WNT7B: variants seen among roughly 807,000 people sequenced by gnomAD.
The protein encoded by WNT7B is protein Wnt-7b.
Under a neutral mutation model 38.2 loss-of-function variants are expected in WNT7B, and 19 were observed. That is an observed-to-expected ratio of 0.50 (90% CI 0.35 to 0.73). The LOEUF is 0.73. Among genes scored for constraint, WNT7B ranks in the 30% least tolerant of loss-of-function variants. The pLI is 0.01. For missense variants in WNT7B, 423 were observed against 507.9 expected (o/e 0.83, Z 1.61); for synonymous variants, 243 against 209.3 (o/e 1.16, Z -1.39).
intron 2 of WNT7B, among the ~76,000 whole-genome samples, chr22:45,936,802 G>A (rs1931524780): frequency 6.6e-6 from 1 of 152,240 alleles, no homozygotes; most frequent in Non-Finnish European, 1.5e-5. Flanking sequence ...ATCTTTGTGA[G>A]CAGCTTCTAG....
chr22:45,950,241 G>A (rs10448592), intron 1 of WNT7B, 95 bp from the exon 2 acceptor site: 309,484 of 1,085,550 alleles, frequency 0.29, 47,276 homozygotes, highest in South Asian at 0.47. Context: ...CTCAGTCACA[G>A]GCCCTGCACT....
At chr22:45,972,116 G>GGGGGGCCCCC in intron 1 of WNT7B, 4 of 530,734 alleles carry the variant, frequency 7.5e-6, no homozygotes, top group Admixed American at 4.1e-5. Context: ...CCCGGGGGGA[G>GGGGGGCCCCC]CCCACCCGCC....
intron 2 of WNT7B, among the ~76,000 whole-genome samples, chr22:45,934,425 T>A (rs560276438): frequency 4.4e-4 from 67 of 152,250 alleles, no homozygotes; most frequent in Non-Finnish European, 8.2e-4. Flanking sequence ...GAGCTGGCTC[T>A]GGAGTGGGCA....
Position 45,966,881 on chromosome 22 carries a change from C to T in WNT7B, c.71+9803G>A, listed in dbSNP as rs1365997396. Reference sequence around the variant, plus strand: ...CAGAGAACCTGTGAGCGCTGCTTCTCTGCCCAGGCAGGGACCCTCCCCAGC... The same window carrying T: ...CAGAGAACCTGTGAGCGCTGCTTCTTTGCCCAGGCAGGGACCCTCCCCAGC... On this transcript the variant is annotated intron_variant, in intron 1 of 3. Transcript: ENST00000339464. This position sits in a 1 kb window ranked among gnomAD's most constrained non-coding sequence, Gnocchi z 4.2. Among the ~76,000 whole-genome samples the T allele has an allele frequency of 6.6e-6, 1 of 152,260 alleles. No homozygotes were observed. The highest frequency in any genetic ancestry group is 6.5e-5 in the Admixed American group (1 of 15,292).
At chr22:45,944,090 C>A (rs1931737257) in intron 2 of WNT7B, among the ~76,000 whole-genome samples, 1 of 152,186 alleles carries the variant, frequency 6.6e-6, no homozygotes, top group Non-Finnish European at 1.5e-5. Flanking sequence ...CCCCAGGGCA[C>A]CAGGCTGCAC....
At chr22:45,953,293 TCA>T (rs1203792432) in intron 1 of WNT7B, among the ~76,000 whole-genome samples, 5 of 148,950 alleles carry the variant, frequency 3.4e-5, no homozygotes, top group Admixed American at 3.3e-4. Context: ...CGGCTTCCTC[TCA>T]CAGTCACCAC....
intron 2 of WNT7B, among the ~76,000 whole-genome samples, chr22:45,932,623 G>T (rs1931403258): frequency 6.6e-6 from 1 of 152,162 alleles, no homozygotes; most frequent in Non-Finnish European, 1.5e-5. Flanking sequence ...CCTGGCTCTG[G>T]ACTCTTGGGT....
Position 45,976,952 on chromosome 22 carries a change from C to G in WNT7B, c.-198G>C. ...CGGGATGCCGCCGCCGCCACCGCCG[C>G]GTGAGCCCGGGGAATTGACCCAGGC... On this transcript the variant is annotated 5_prime_UTR_variant, in exon 1 of 4. Transcript: ENST00000339464. The surrounding 1 kb of genome is among the most constrained non-coding windows in gnomAD (Gnocchi z 8.5). 1.0e-6 allele frequency: 1 copy of G among 988,314 alleles called. No individual in the cohort carries two copies. The highest frequency in any genetic ancestry group is 1.2e-6 in the Non-Finnish European group (1 of 832,410). 61.2% of individuals were successfully genotyped at this position (988,314 alleles called of 1,614,324 possible). A position where few individuals can be genotyped will look rare whatever the true frequency, so the allele number is the denominator to read the frequency against.
chr22:45,972,459 G>A (rs890557607), intron 1 of WNT7B: 21 of 211,608 alleles, frequency 9.9e-5, no homozygotes, highest in African/African-American at 4.7e-4. Flanking sequence ...GCTGGAGTGC[G>A]GGGCGGGGAC....
chr22:45,967,505 T>G (rs796072450), intron 1 of WNT7B, among the ~76,000 whole-genome samples: 2 of 28,370 alleles, frequency 7.0e-5, no homozygotes, highest in African/African-American at 3.1e-4. Flanking sequence ...CAGAATGCAC[T>G]GGCTCCGCAC....
intron 1 of WNT7B, among the ~76,000 whole-genome samples, chr22:45,973,704 C>T (rs1932498665): frequency 1.3e-5 from 2 of 152,330 alleles, no homozygotes; most frequent in South Asian, 2.1e-4. Flanking sequence ...AAACTGACTC[C>T]CTGAAGCCAT....
At chr22:45,947,874 G>T (rs1271119766) in intron 2 of WNT7B, among the ~76,000 whole-genome samples, 2 of 152,138 alleles carry the variant, frequency 1.3e-5, no homozygotes, top group South Asian at 4.1e-4. Flanking sequence ...GGGATGCAGC[G>T]CTCCCAGGAT....
At chr22:45,938,489 T>C (rs1466126148) in intron 2 of WNT7B, among the ~76,000 whole-genome samples, 1 of 151,960 alleles carries the variant, frequency 6.6e-6, no homozygotes, top group Non-Finnish European at 1.5e-5. Context: ...ATACAAAAAT[T>C]AGCCAGGCGT....
intron 1 of WNT7B, among the ~76,000 whole-genome samples, chr22:45,963,680 C>T (rs963601362): frequency 5.3e-5 from 8 of 152,280 alleles, no homozygotes; most frequent in South Asian, 2.1e-4. Context: ...CCCACCCTCC[C>T]GTCTTCCCTG....
At chr22:45,931,715 C>G (rs1389511155) in intron 2 of WNT7B, among the ~76,000 whole-genome samples, 1 of 152,176 alleles carries the variant, frequency 6.6e-6, no homozygotes, top group Non-Finnish European at 1.5e-5. Context: ...CCCAGTTTCT[C>G]CAGCCCTGAG....
rs116800358 is a variant in WNT7B, at chr22:45,936,091, G to T, written c.299-4722C>A. On this transcript the variant is annotated intron_variant, in intron 2 of 3. Coordinates refer to ENST00000339464, the MANE Select transcript of WNT7B (RefSeq NM_058238.3). ...TATTCTGGCCACCCCTCACCCCACA[G>T]CCCTCAAGAGCACTGGGTGGGTTTC... The T allele has an allele frequency of 1.7e-3, 1,682 of 985,388 alleles. 19 individuals carry two copies. The African/African-American group carries it at 0.028, about 16-fold the overall frequency. 61.0% of individuals were successfully genotyped at this position (985,388 alleles called of 1,614,324 possible).
At chr22:45,942,550 C>G (rs1394825296) in intron 2 of WNT7B, among the ~76,000 whole-genome samples, 2 of 152,248 alleles carry the variant, frequency 1.3e-5, no homozygotes, top group Non-Finnish European at 2.9e-5. Flanking sequence ...GCCCAGAGCC[C>G]TCGCCTGCCT....
intron 2 of WNT7B, among the ~76,000 whole-genome samples, chr22:45,945,420 A>G (rs1931770788): frequency 1.3e-5 from 2 of 152,262 alleles, no homozygotes; most frequent in African/African-American, 4.8e-5. Flanking sequence ...TAGCCAATAT[A>G]TCCAAAATCT....
intron 3 of WNT7B, among the ~76,000 whole-genome samples, chr22:45,927,833 T>C (rs1931139365): frequency 6.6e-6 from 1 of 152,050 alleles, no homozygotes. Flanking sequence ...AAGGCAGAGG[T>C]TGCGGTGAGC....
Sources: gnomAD v4.1 joint callset for allele counts (sites outside exome capture counted in the v4.1 genomes callset) on GRCh38, gnomAD v4.1.1 for gene constraint, Gnocchi (gnomAD v3.1) non-coding constraint, MANE v1.5 for transcripts, NCBI Gene and HGNC (gene_info 2026-07-23, HGNC 2026-07-21) for gene names.